COL1A2: variants seen among roughly 807,000 people sequenced by gnomAD.
The protein encoded by COL1A2 is collagen type I alpha 2 chain, also known as collagen alpha-2(I) chain.
COL1A2 carries 49 observed loss-of-function variants against 174.3 expected under a neutral mutation model. The ratio of observed to expected loss-of-function variants is 0.28; its 90% CI spans 0.22 to 0.36. COL1A2 has a LOEUF of 0.36. Among genes scored for constraint, COL1A2 ranks in the 10% least tolerant of loss-of-function variants. COL1A2 has a pLI of 1.00. For synonymous variants in COL1A2, 655 were observed against 606.6 expected (o/e 1.08, Z -1.17); for missense variants, 1,438 against 1,822.7 (o/e 0.79, Z 3.84).
chr7:94,413,283 TA>T (rs1353280733), intron 26 of COL1A2, 147 bp downstream of exon 26: 2 of 818,540 alleles, frequency 2.4e-6, no homozygotes, highest in Non-Finnish European at 4.1e-6. Context: ...AATGCCTTTT[TA>T]AAAACCAAAC....
In COL1A2 at chr7:94,430,166, T is replaced by C. The variant is rs578081334; in HGVS notation, c.3955-81T>C. 60 of 1,382,926 alleles carry C rather than the reference T, an allele frequency of 4.3e-5. 2 individuals are homozygous for C. The South Asian group carries it at 6.2e-4, about 14-fold the overall frequency. 85.7% of individuals were successfully genotyped at this position (1,382,926 alleles called of 1,614,324 possible). On this transcript the variant is annotated intron_variant, in intron 51 of 51. Transcript: ENST00000297268. Reference sequence around the variant, plus strand: ...AGAATGACACATGCCAAACAGTGGTTCTTATTAAATCAAAGGTTCAGATAT... The same window carrying C: ...AGAATGACACATGCCAAACAGTGGTCCTTATTAAATCAAAGGTTCAGATAT...
intron 30 of COL1A2, 45 bp from the exon 31 acceptor site, chr7:94,416,360 G>C: frequency 6.8e-7 from 1 of 1,460,826 alleles, no homozygotes; most frequent in Non-Finnish European, 9.4e-7. Context: ...CAGTATCACT[G>C]AAAGTGATGA....
chr7:94,426,939 G>GA (rs58882596), intron 46 of COL1A2, 69 bp from the exon 47 acceptor site: 14,343 of 1,322,384 alleles, frequency 0.011, 1 homozygote, highest in Middle Eastern at 0.018. Flanking sequence ...ATTCAATTTG[G>GA]AAAAAAAAAA....
intron 1 of COL1A2, among the ~76,000 whole-genome samples, chr7:94,396,844 A>G (rs922635226): frequency 6.6e-6 from 1 of 152,168 alleles, no homozygotes; most frequent in Non-Finnish European, 1.5e-5. Context: ...CTTCTTGGCC[A>G]CCTAATTAAA....
At chr7:94,408,487 A>T (rs1050713517) in intron 15 of COL1A2, 107 bp downstream of exon 15, 10 of 1,344,552 alleles carry the variant, frequency 7.4e-6, no homozygotes, top group African/African-American at 4.3e-5. Context: ...ACTTTACCAA[A>T]TGTTCTGTGA....
At chr7:94,405,333 A>G (rs1791773802) in intron 10 of COL1A2, 81 bp downstream of exon 10, 1 of 1,337,242 alleles carries the variant, frequency 7.5e-7, no homozygotes, top group South Asian at 1.2e-5. Flanking sequence ...AATCTAAATG[A>G]CAACATAGAT....
Position 94,397,717 on chromosome 7 carries a change from G to C in COL1A2, c.71-31G>C, listed in dbSNP as rs1584311875. The C allele has an allele frequency of 1.2e-5, 14 of 1,201,514 alleles. No individual in the cohort carries two copies. In the East Asian group the frequency reaches 3.4e-4, roughly 29 times the overall value. The allele number at this position is 1,201,514 out of a possible 1,614,324, so 74.4% of individuals were successfully genotyped here. A position where few individuals can be genotyped will look rare whatever the true frequency, so the allele number is the denominator to read the frequency against. On this transcript the variant is annotated intron_variant, in intron 1 of 51. Transcript: ENST00000297268. ...GATCCATGAAGTGATACTAATAATT[G>C]TTTCCTACTTTTTCTTTTTTTTTTC...
Position 94,404,912 on chromosome 7 carries a change from C to A in COL1A2, c.432+20C>A. 1 of 1,613,430 alleles carries A rather than the reference C, an allele frequency of 6.2e-7. No individual in the cohort carries two copies. Among genetic ancestry groups the A allele is most frequent in the Non-Finnish European group, 8.5e-7 (1 of 1,179,560 alleles). Reference sequence around the variant, plus strand: ...GAAGATGTAAGTATTTACTCTTAAGCACTTTCAAAATGCTATTTAAATACT... The same window carrying A: ...GAAGATGTAAGTATTTACTCTTAAGAACTTTCAAAATGCTATTTAAATACT... On this transcript the variant is annotated intron_variant, in intron 9 of 51. Coordinates refer to ENST00000297268, the MANE Select transcript of COL1A2 (RefSeq NM_000089.4).
At chr7:94,425,940 G>C in intron 44 of COL1A2, 58 bp from the exon 45 acceptor site, 1 of 1,605,224 alleles carries the variant, frequency 6.2e-7, no homozygotes, top group Non-Finnish European at 8.5e-7. Flanking sequence ...GATGGTGGAG[G>C]AGTGGGGAGG....
chr7:94,429,580 T>C, intron 51 of COL1A2, 150 bp downstream of exon 51: 2 of 707,232 alleles, frequency 2.8e-6, no homozygotes, highest in Non-Finnish European at 4.6e-6. Context: ...TCAGTTTTTG[T>C]ATGTATTTTA....
At chr7:94,423,266 A>T (rs1792206695) in intron 40 of COL1A2, 148 bp downstream of exon 40, 2 of 905,948 alleles carry the variant, frequency 2.2e-6, no homozygotes, top group Non-Finnish European at 3.5e-6. Flanking sequence ...TGTCCAGCAC[A>T]CACTGAGGGG....
At chr7:94,408,697 A>G in intron 15 of COL1A2, 73 bp from the exon 16 acceptor site, 2 of 1,524,976 alleles carry the variant, frequency 1.3e-6, no homozygotes, top group Non-Finnish European at 1.8e-6. Flanking sequence ...AGCAACTTCA[A>G]TCTTCTGCCA....
chr7:94,399,150 A>G (rs978893391), intron 4 of COL1A2, 66 bp downstream of exon 4: 1 of 1,415,878 alleles, frequency 7.1e-7, no homozygotes, highest in Admixed American at 1.7e-5. Flanking sequence ...TAGAAACTAC[A>G]GGAACTGGCA....
chr7:94,410,159 C>T, intron 19 of COL1A2, 83 bp from the exon 20 acceptor site: 2 of 1,409,710 alleles, frequency 1.4e-6, no homozygotes, highest in South Asian at 2.3e-5. Flanking sequence ...TTACCTTGAC[C>T]CACAAATATT....
Position 94,428,304 on chromosome 7 carries a change from A to G in COL1A2, c.3538A>G (p.Ile1180Val). The G allele has an allele frequency of 6.2e-7, 1 of 1,613,542 alleles. No individual in the cohort carries two copies. The highest frequency in any genetic ancestry group is 8.5e-7 in the Non-Finnish European group (1 of 1,179,480). Residue 1180 changes from isoleucine to valine, a missense_variant, in exon 50 of 52, where the codon ATT becomes GTT. Transcript: ENST00000297268. ...TATTTTCTTAAAAGGTTACTACTGG[A>G]TTGACCCTAACCAAGGATGCACTAT... is the stretch of plus-strand genomic sequence containing the variant. ...HPEWSSGYYW[I>V]DPNQGCTMDA... is the part of the protein sequence containing the mutation.
At chr7:94,425,723 T>C in intron 43 of COL1A2, 27 bp from the exon 44 acceptor site, 2 of 1,614,026 alleles carry the variant, frequency 1.2e-6, no homozygotes, top group Non-Finnish European at 8.5e-7. Context: ...CCCAGATTGA[T>C]GCTAAGCTTC....
At chr7:94,420,693 A>C in intron 37 of COL1A2, 45 bp downstream of exon 37, 1 of 1,497,554 alleles carries the variant, frequency 6.7e-7, no homozygotes, top group Middle Eastern at 1.8e-4. Context: ...TACCCATTAG[A>C]TCTTCCAATT....
intron 9 of COL1A2, 131 bp from the exon 10 acceptor site, chr7:94,405,068 A>G (rs1791767549): frequency 8.9e-7 from 1 of 1,118,058 alleles, no homozygotes; most frequent in Non-Finnish European, 1.3e-6. Flanking sequence ...TATTAAGGGA[A>G]AGATTAAATA....
rs578002252 is a variant in COL1A2 at position 94,430,984 on chromosome 7, T to C, written c.*591T>C. On this transcript the variant is annotated 3_prime_UTR_variant, in exon 52 of 52. Coordinates refer to ENST00000297268, the MANE Select transcript of COL1A2 (RefSeq NM_000089.4). ...TCGTGTGGTGTATTTTTTAAAAAATTTGATTTAGCATTCATATTTTCCATC... is the reference window on the plus strand; with the variant it reads ...TCGTGTGGTGTATTTTTTAAAAAATCTGATTTAGCATTCATATTTTCCATC... 1 of 152,802 alleles carries C rather than the reference T, an allele frequency of 6.5e-6. No individual in the cohort carries two copies. The highest frequency in any genetic ancestry group is 1.5e-5 in the Non-Finnish European group (1 of 68,098). The allele number at this position is 152,802 out of a possible 1,614,324, so 9.5% of individuals were successfully genotyped here.
Sources: gnomAD v4.1 joint callset for allele counts (sites outside exome capture counted in the v4.1 genomes callset) on GRCh38, gnomAD v4.1.1 for gene constraint, MANE v1.5 for transcripts, NCBI Gene and HGNC (gene_info 2026-07-23, HGNC 2026-07-21) for gene names.